TNFRSF19: variants seen among roughly 807,000 people sequenced by gnomAD.
TNFRSF19 encodes the protein tumor necrosis factor receptor superfamily member 19.
In TNFRSF19, 27 loss-of-function variants were observed where a neutral mutation model predicts 46.4. The ratio of observed to expected loss-of-function variants is 0.58; its 90% confidence interval spans 0.43 to 0.80. The LOEUF (loss-of-function observed/expected upper bound fraction) is 0.80. TNFRSF19 is among the 30% of genes least tolerant of loss of function. The pLI is 0.00. For synonymous variants in TNFRSF19, 204 were observed against 205.0 expected, an observed-to-expected ratio of 1.00 and a Z score of 0.04; for missense variants, 511 against 530.8, an observed-to-expected ratio of 0.96 and a Z score of 0.37.
chr13:23,669,645 A>G (rs1951722822), intron 9 of TNFRSF19: 1 of 985,222 alleles, frequency 1.0e-6, no homozygotes, highest in African/African-American at 1.7e-5. Context: ...AGACCAGGTC[A>G]TAAGACCCTC....
At chr13:23,603,308 T>C (rs1049547143) in intron 3 of TNFRSF19, among the ~76,000 whole-genome samples, 1 of 152,036 alleles carries the variant, frequency 6.6e-6, no homozygotes, top group African/African-American at 2.4e-5. Flanking sequence ...TAGGCCTATA[T>C]TGACTGAAGA....
chr13:23,640,249 G>A (rs1378860636), intron 5 of TNFRSF19, among the ~76,000 whole-genome samples: 2 of 152,226 alleles, frequency 1.3e-5, no homozygotes, highest in African/African-American at 2.4e-5. Flanking sequence ...ACACCAAGTA[G>A]AGACTTGGTG....
chr13:23,672,947 T>C (rs972306297), intron 9 of TNFRSF19, among the ~76,000 whole-genome samples: 2 of 152,254 alleles, frequency 1.3e-5, no homozygotes, highest in Non-Finnish European at 2.9e-5. Context: ...TAAAGAATGG[T>C]ACTATTCATT....
At chr13:23,645,151 A>G (rs1883257906) in intron 5 of TNFRSF19, among the ~76,000 whole-genome samples, 1 of 152,218 alleles carries the variant, frequency 6.6e-6, no homozygotes, top group African/African-American at 2.4e-5. Context: ...TTTTCTTCAG[A>G]ATGTACAAAC....
rs538616622 is a variant in TNFRSF19 at position 23,603,980 on chromosome 13, A to G, written c.180+10525A>G. Among the ~76,000 whole-genome samples, 206 of 152,090 alleles carry G rather than the reference A, an allele frequency of 1.4e-3. 1 individual carries two copies. Among genetic ancestry groups the G allele is most frequent in the Non-Finnish European group, 2.4e-3 (162 of 67,886 alleles). ...TTTCACCACTCATTTTCAGCATCAT[A>G]CAAGAAATCCTACCTCATGCACCAA... On this transcript the variant is annotated intron_variant, in intron 3 of 9. Coordinates refer to ENST00000248484, the MANE Select transcript of TNFRSF19 (RefSeq NM_148957.4).
chr13:23,605,905 A>G (rs1055990574), intron 3 of TNFRSF19, among the ~76,000 whole-genome samples: 1 of 152,202 alleles, frequency 6.6e-6, no homozygotes, highest in Non-Finnish European at 1.5e-5. Flanking sequence ...GTGTTGTTCA[A>G]ACTCACAGAA....
intron 1 of TNFRSF19, among the ~76,000 whole-genome samples, chr13:23,572,749 A>G (rs1877709750): frequency 6.6e-6 from 1 of 152,208 alleles, no homozygotes; most frequent in Non-Finnish European, 1.5e-5. Flanking sequence ...AGATGGTTGT[A>G]TCTGAAGGTA....
At chr13:23,669,632 C>A (rs1166218043) in intron 9 of TNFRSF19, 1 of 985,230 alleles carries the variant, frequency 1.0e-6, no homozygotes, top group East Asian at 1.1e-4. Flanking sequence ...TGGTTGTGAC[C>A]TGAGACCAGG....
chr13:23,653,282 G>C (rs539908075), intron 5 of TNFRSF19, among the ~76,000 whole-genome samples: 1 of 152,280 alleles, frequency 6.6e-6, no homozygotes, highest in Admixed American at 6.5e-5. Context: ...CCTGGATATG[G>C]TCAGGCTCAG....
Position 23,593,384 on chromosome 13 carries a change from C to A in TNFRSF19, c.109C>A (p.Gln37Lys), listed in dbSNP as rs1212902080. 4.4e-6 allele frequency: 7 copies of A among 1,597,186 alleles called. No homozygotes were observed. Among genetic ancestry groups the A allele is most frequent in the Middle Eastern group, 1.7e-4 (1 of 6,044 alleles). The change falls in exon 3 of 10, where the codon CAA becomes AAA. Residue 37 changes from glutamine to lysine, a missense_variant. Around this residue, in one of 3 missense-constraint regions of TNFRSF19, gnomAD observed 121 missense variants for 124.1 expected, o/e 0.98. Transcript: ENST00000248484. ...TTGTGAATCAGGAGACTGTAGACAG[C>A]AAGAATTCAGGGATCGGTCTGGAAA... ...VTCESGDCRQ[Q>K]EFRDRSGNCV...
chr13:23,594,021 C>T (rs937140900), intron 3 of TNFRSF19, among the ~76,000 whole-genome samples: 1 of 152,154 alleles, frequency 6.6e-6, no homozygotes, highest in Non-Finnish European at 1.5e-5. Context: ...CTCCCCCTCA[C>T]CAAGGGAAGC....
Position 23,593,341 on chromosome 13 carries a change from T to C in TNFRSF19, c.70-4T>C, listed in dbSNP as rs12583417. ...ATAACATTTTGTTAAATTTTTTTTT[T>C]CAGTCATGTAAAGTGACTTGTGAAT... On this transcript the variant is annotated splice_region_variant and splice_polypyrimidine_tract_variant and intron_variant, in intron 2 of 9. Transcript: ENST00000248484. 150,725 of 1,531,868 alleles carry C rather than the reference T, an allele frequency of 0.098. 8,411 individuals are homozygous for C. The highest frequency in any genetic ancestry group is 0.23 in the East Asian group (9,646 of 42,782). The allele number at this position is 1,531,868 out of a possible 1,614,324, so 94.9% of individuals were successfully genotyped here.
intron 5 of TNFRSF19, among the ~76,000 whole-genome samples, chr13:23,635,256 T>C (rs1882608544): frequency 6.6e-6 from 1 of 152,142 alleles, no homozygotes; most frequent in Non-Finnish European, 1.5e-5. Flanking sequence ...GTCATCCTAC[T>C]TGAAAAAATG....
chr13:23,597,874 C>T (rs540347342), intron 3 of TNFRSF19, among the ~76,000 whole-genome samples: 2 of 152,304 alleles, frequency 1.3e-5, no homozygotes, highest in Admixed American at 1.3e-4. Flanking sequence ...CTGAATCCAG[C>T]AGCACATCAA....
intron 3 of TNFRSF19, among the ~76,000 whole-genome samples, chr13:23,597,895 C>T (rs1390296196): frequency 1.3e-5 from 2 of 152,150 alleles, no homozygotes; most frequent in African/African-American, 2.4e-5. Context: ...AAAGCTTATC[C>T]ACCACAATCA....
intron 4 of TNFRSF19, among the ~76,000 whole-genome samples, chr13:23,623,334 GTTTA>G (rs1881794137): frequency 6.6e-6 from 1 of 152,116 alleles, no homozygotes; most frequent in Non-Finnish European, 1.5e-5. Context: ...GAAATACTTT[GTTTA>G]TCCATATTCA....
intron 4 of TNFRSF19, among the ~76,000 whole-genome samples, chr13:23,617,510 A>G (rs1262879199): frequency 6.6e-6 from 1 of 152,210 alleles, no homozygotes; most frequent in East Asian, 1.9e-4. Context: ...CCATTGCTAC[A>G]CCAAGTATGC....
chr13:23,590,018 A>G (rs1386279654), intron 1 of TNFRSF19, 132 bp from the exon 2 acceptor site: 1 of 411,700 alleles, frequency 2.4e-6, no homozygotes, highest in East Asian at 4.1e-5. Flanking sequence ...TCTTTTTTAA[A>G]GGTGGTTTCT....
intron 7 of TNFRSF19, among the ~76,000 whole-genome samples, chr13:23,667,732 C>G (rs529570027): frequency 1.4e-4 from 21 of 152,212 alleles, no homozygotes; most frequent in African/African-American, 4.8e-4. Context: ...CCTGGTCTCC[C>G]CATTGCTCCA....
Sources: allele counts gnomAD v4.1 joint callset (sites outside exome capture counted in the v4.1 genomes callset), GRCh38; gene constraint gnomAD v4.1.1; regional missense constraint gnomAD v4.1.1; transcripts MANE v1.5; gene names NCBI Gene and HGNC (gene_info 2026-07-23, HGNC 2026-07-21).